Variants in SMIM31 observed in about 807,000 individuals in gnomAD.
SMIM31 encodes the protein human epithelial cell program regulator.
intron 1 of SMIM31, among the ~76,000 whole-genome samples, chr4:164,756,269 A>G (rs1434890422): frequency 6.6e-6 from 1 of 152,168 alleles, no homozygotes; most frequent in African/African-American, 2.4e-5. Context: ...TTAAAAAGGA[A>G]ACTTTAAAAA....
chr4:164,755,372 C>T (rs1209081149), intron 1 of SMIM31, among the ~76,000 whole-genome samples: 2 of 150,110 alleles, frequency 1.3e-5, no homozygotes, highest in Non-Finnish European at 3.0e-5. Flanking sequence ...CCCAGCTACT[C>T]GGGAGGCTGA....
At chr4:164,799,534 A>C (rs1733256110) in intron 2 of SMIM31, among the ~76,000 whole-genome samples, 1 of 152,206 alleles carries the variant, frequency 6.6e-6, no homozygotes, top group Non-Finnish European at 1.5e-5. Flanking sequence ...TGAGGCAGGA[A>C]AAACAGGAGG....
At chr4:164,787,082 G>T (rs1227256637) in intron 2 of SMIM31, among the ~76,000 whole-genome samples, 2 of 152,030 alleles carry the variant, frequency 1.3e-5, no homozygotes, top group African/African-American at 4.8e-5. Flanking sequence ...CTACCCTCAG[G>T]GATAGAATTG....
intron 2 of SMIM31, among the ~76,000 whole-genome samples, chr4:164,789,626 T>G (rs943527313): frequency 1.3e-5 from 2 of 152,168 alleles, no homozygotes; most frequent in Admixed American, 1.3e-4. Flanking sequence ...AGAGTAAAAT[T>G]CAAATGAATT....
chr4:164,767,926 G>C (rs1174980300), intron 1 of SMIM31, among the ~76,000 whole-genome samples: 1 of 152,098 alleles, frequency 6.6e-6, no homozygotes, highest in Non-Finnish European at 1.5e-5. Flanking sequence ...AGCATCTAGG[G>C]TAGTGAGCTA....
chr4:164,771,258 G>A (rs931712568), intron 2 of SMIM31, among the ~76,000 whole-genome samples: 32 of 152,146 alleles, frequency 2.1e-4, no homozygotes, highest in African/African-American at 2.4e-4. Flanking sequence ...TGCAGATTGC[G>A]AAACATAATT....
chr4:164,793,848 A>C (rs1733140446), intron 2 of SMIM31, among the ~76,000 whole-genome samples: 1 of 152,082 alleles, frequency 6.6e-6, no homozygotes, highest in African/African-American at 2.4e-5. Flanking sequence ...ATATAAATTA[A>C]CTCAAAATGG....
intron 2 of SMIM31, among the ~76,000 whole-genome samples, chr4:164,788,632 G>A (rs1159503507): frequency 6.6e-6 from 1 of 150,772 alleles, no homozygotes; most frequent in Non-Finnish European, 1.5e-5. Context: ...TGGGATTACA[G>A]GCATGCACCA....
chr4:164,763,772 G>A (rs147870925), intron 1 of SMIM31, among the ~76,000 whole-genome samples: 290 of 152,206 alleles, frequency 1.9e-3, no homozygotes, highest in Middle Eastern at 3.4e-3. Context: ...TTTAAAAGAA[G>A]GCATAGAATA....
In SMIM31 at chr4:164,790,920, G is replaced by A. The variant is rs933124220; in HGVS notation, c.113-10171G>A. On this transcript the variant is annotated intron_variant, in intron 2 of 2. Coordinates refer to ENST00000507311, the MANE Select transcript of SMIM31 (RefSeq NM_001352885.1). ...ATGGTCAATCAACAAATAGATTATA[G>A]ACCTGTTTCTGCATTCCAGCATTGT... 4.6e-5 allele frequency among the ~76,000 whole-genome samples: 7 copies of A among 152,128 alleles called. No homozygotes were observed. The South Asian group carries it at 1.0e-3, about 23-fold the overall frequency.
chr4:164,779,364 T>C (rs1453171717), intron 2 of SMIM31, among the ~76,000 whole-genome samples: 1 of 152,172 alleles, frequency 6.6e-6, no homozygotes, highest in Non-Finnish European at 1.5e-5. Flanking sequence ...AGGAAAAAAA[T>C]GCCAAAATGT....
At chr4:164,773,763 G>T (rs1020538622) in intron 2 of SMIM31, among the ~76,000 whole-genome samples, 2 of 152,176 alleles carry the variant, frequency 1.3e-5, no homozygotes, top group African/African-American at 4.8e-5. Context: ...TCCCTGCAGA[G>T]TTGAAGTGAG....
chr4:164,787,541 GGC>G (rs1560830635), intron 2 of SMIM31: 11 of 84,014 alleles, frequency 1.3e-4, no homozygotes, highest in African/African-American at 8.6e-4. Context: ...TAAACATTTG[GGC>G]TTTTTTTTTT....
intron 2 of SMIM31, among the ~76,000 whole-genome samples, chr4:164,786,554 G>A (rs577028553): frequency 1.3e-5 from 2 of 152,262 alleles, no homozygotes; most frequent in East Asian, 3.9e-4. Flanking sequence ...TAGCTTTTAT[G>A]TATATTTTGT....
At chr4:164,791,003 C>T (rs1733093283) in intron 2 of SMIM31, among the ~76,000 whole-genome samples, 2 of 152,146 alleles carry the variant, frequency 1.3e-5, no homozygotes, top group African/African-American at 4.8e-5. Context: ...AGCACTGAAG[C>T]TGAAAAACTC....
chr4:164,782,441 C>G (rs1373142356), intron 2 of SMIM31, among the ~76,000 whole-genome samples: 1 of 133,950 alleles, frequency 7.5e-6, no homozygotes, highest in African/African-American at 3.0e-5. Context: ...TGCAGTGGTA[C>G]GATCTCGGCT....
intron 1 of SMIM31, among the ~76,000 whole-genome samples, chr4:164,766,704 A>C (rs1164215440): frequency 1.3e-5 from 2 of 152,006 alleles, no homozygotes; most frequent in African/African-American, 4.8e-5. Context: ...GGACTGAGGC[A>C]GGAGAATCGC....
Position 164,803,464 on chromosome 4 carries a change from G to T in SMIM31, c.*2270G>T, listed in dbSNP as rs1424667205. ...ACCTGTCAAGTTAGATGTTAAAGAG[G>T]ACATGTAAAATAAAATCTCCCTAAC... On this transcript the variant is annotated 3_prime_UTR_variant, in exon 3 of 3. Transcript: ENST00000507311. 3.3e-5 allele frequency: 5 copies of T among 152,150 alleles called. No individual in the cohort carries two copies. Among genetic ancestry groups the T allele is most frequent in the Non-Finnish European group, 7.4e-5 (5 of 68,000 alleles). 9.4% of individuals were successfully genotyped at this position (152,150 alleles called of 1,614,324 possible).
At chr4:164,792,659 A>G (rs1461022888) in intron 2 of SMIM31, among the ~76,000 whole-genome samples, 2 of 152,202 alleles carry the variant, frequency 1.3e-5, no homozygotes, top group Non-Finnish European at 2.9e-5. Flanking sequence ...GATTACTACT[A>G]TGGAAGACCA....
Sources: allele counts gnomAD v4.1 joint callset (sites outside exome capture counted in the v4.1 genomes callset), GRCh38; gene constraint gnomAD v4.1.1; transcripts MANE v1.5; gene names NCBI Gene and HGNC (gene_info 2026-07-23, HGNC 2026-07-21).